Variants in CPAMD8 observed in about 807,000 individuals in gnomAD.
The protein encoded by CPAMD8 is C3 and PZP like alpha-2-macroglobulin domain containing 8.
In CPAMD8, 146 loss-of-function variants were observed where a neutral mutation model predicts 224.7. That is an observed-to-expected ratio of 0.65 (90% CI 0.57 to 0.75). The LOEUF is 0.75. Among genes scored for constraint, CPAMD8 ranks in the 30% least tolerant of loss-of-function variants. The pLI is 0.00. For missense variants in CPAMD8, 2,301 were observed against 2,537.5 expected, an observed-to-expected ratio of 0.91 and a Z score of 2.00; for synonymous variants, 966 against 1,044.6, an observed-to-expected ratio of 0.92 and a Z score of 1.45.
rs907039996 is a variant in CPAMD8 at position 16,893,279 on chromosome 19, G to A, written c.5487C>T (p.Ser1829=). ...GGCCCCATCTGTGGAACGGGCTGGC[G>A]CTCTGGGTGCTGCTTTCCAGGTTCC... The part of the protein sequence containing the change: ...SSGNLESSTQ[S]ASPFHRWGQT... The change falls in exon 42 of 42, where the codon AGC becomes AGT. Residue 1829 remains serine (S), a synonymous_variant. Transcript: ENST00000443236. 2.2e-5 allele frequency: 34 copies of A among 1,560,808 alleles called. No homozygotes were observed. The highest frequency in any genetic ancestry group is 5.4e-5 in the African/African-American group (4 of 73,590).
chr19:17,002,884 T>C (rs2056373623), intron 8 of CPAMD8, among the ~76,000 whole-genome samples: 1 of 150,570 alleles, frequency 6.6e-6, no homozygotes, highest in South Asian at 2.1e-4. Context: ...AATCTTTTCG[T>C]TCTTTCTTTT....
chr19:17,001,509 G>A (rs1047593554), intron 9 of CPAMD8, among the ~76,000 whole-genome samples: 1 of 151,828 alleles, frequency 6.6e-6, no homozygotes, highest in Non-Finnish European at 1.5e-5. Flanking sequence ...GAGACCCTTG[G>A]GGAGGGAAGA....
intron 3 of CPAMD8, among the ~76,000 whole-genome samples, chr19:17,015,659 A>G (rs1370921810): frequency 6.6e-6 from 1 of 152,052 alleles, no homozygotes; most frequent in African/African-American, 2.4e-5. Context: ...CACTACTCCA[A>G]TCCCAAAATC....
intron 18 of CPAMD8, among the ~76,000 whole-genome samples, chr19:16,963,871 C>T (rs2054734378): frequency 6.6e-6 from 1 of 152,152 alleles, no homozygotes; most frequent in Non-Finnish European, 1.5e-5. Context: ...AATTAGAACT[C>T]AGGATTAAGA....
chr19:17,009,366 C>T, intron 5 of CPAMD8, 46 bp from the exon 6 acceptor site: 1 of 1,613,874 alleles, frequency 6.2e-7, no homozygotes. Flanking sequence ...CCAGCAAACC[C>T]CAAACCCTTT....
At chr19:16,967,994 G>A (rs2054919852) in intron 18 of CPAMD8, among the ~76,000 whole-genome samples, 1 of 107,384 alleles carries the variant, frequency 9.3e-6, no homozygotes, top group Non-Finnish European at 1.9e-5. Flanking sequence ...AAAAGCATGG[G>A]CACTTGATTT....
At chr19:16,977,025 G>A (rs555310485) in intron 15 of CPAMD8, among the ~76,000 whole-genome samples, 5 of 152,212 alleles carry the variant, frequency 3.3e-5, no homozygotes, top group African/African-American at 9.6e-5. Flanking sequence ...CTGGGTGACA[G>A]AGCTTGACTC....
intron 7 of CPAMD8, among the ~76,000 whole-genome samples, chr19:17,006,826 T>C (rs1257715509): frequency 2.0e-5 from 3 of 152,214 alleles, no homozygotes; most frequent in African/African-American, 7.2e-5. Flanking sequence ...GAGCCCCATT[T>C]GCCATCTCTG....
chr19:17,009,055 C>A (rs985546539), intron 6 of CPAMD8: 2 of 539,242 alleles, frequency 3.7e-6, no homozygotes, highest in East Asian at 6.4e-5. Context: ...AAGATCAGCA[C>A]CACTGCAATC....
At chr19:17,025,470 TA>T (rs2057055274) in intron 1 of CPAMD8, among the ~76,000 whole-genome samples, 1 of 152,090 alleles carries the variant, frequency 6.6e-6, no homozygotes, top group Non-Finnish European at 1.5e-5. Flanking sequence ...AACCTCTGTA[TA>T]AGGCAGGGTC....
chr19:17,011,412 G>C, intron 5 of CPAMD8, 52 bp downstream of exon 5: 1 of 1,596,082 alleles, frequency 6.3e-7, no homozygotes, highest in Non-Finnish European at 8.6e-7. Context: ...CCCTGGCCAG[G>C]TAGTCCCAAG....
chr19:17,010,716 C>G (rs909448403), intron 5 of CPAMD8, among the ~76,000 whole-genome samples: 1 of 151,924 alleles, frequency 6.6e-6, no homozygotes, highest in African/African-American at 2.4e-5. Context: ...AGAGAGAGAG[C>G]GCTAGAAAGA....
intron 18 of CPAMD8, among the ~76,000 whole-genome samples, chr19:16,966,330 C>T (rs534678391): frequency 6.6e-6 from 1 of 152,246 alleles, no homozygotes; most frequent in Admixed American, 6.5e-5. Context: ...ACATCTTATA[C>T]AAAAATTAAT....
chr19:16,937,305 TTTGTTTGC>T (rs760622308), intron 23 of CPAMD8, among the ~76,000 whole-genome samples: 33 of 148,062 alleles, frequency 2.2e-4, no homozygotes, highest in Non-Finnish European at 4.0e-4. Context: ...TGGCTAAGTT[TTTGTTTGC>T]TTGTTTGCTT....
chr19:16,914,566 G>A, intron 28 of CPAMD8, 68 bp from the exon 29 acceptor site: 1 of 1,610,252 alleles, frequency 6.2e-7, no homozygotes, highest in Non-Finnish European at 8.5e-7. Context: ...ACTTCCCCCA[G>A]GCAGCTCCAG....
In CPAMD8 at chr19:16,896,086, G is replaced by C. The variant is rs571255066; in HGVS notation, c.5426+90C>G. ...GGGTCGGGGCGGGGCGGAGGAGTCG[G>C]GGCAGGTCGTCGGGGGAGGTTGGTA... On this transcript the variant is annotated intron_variant, in intron 41 of 41. Transcript: ENST00000443236. 16 of 1,454,772 alleles carry C rather than the reference G, an allele frequency of 1.1e-5. No individual in the cohort carries two copies. The South Asian group carries it at 1.7e-4, about 16-fold the overall frequency. 90.1% of individuals were successfully genotyped at this position (1,454,772 alleles called of 1,614,324 possible). A position where few individuals can be genotyped will look rare whatever the true frequency, so the allele number is the denominator to read the frequency against.
chr19:16,996,584 C>T (rs1330044254), intron 11 of CPAMD8, among the ~76,000 whole-genome samples: 1 of 151,966 alleles, frequency 6.6e-6, no homozygotes, highest in African/African-American at 2.4e-5. Flanking sequence ...TTTGGGAGGC[C>T]AAGGCGGGAA....
chr19:17,015,704 C>T (rs562946436), intron 3 of CPAMD8, among the ~76,000 whole-genome samples: 53 of 152,334 alleles, frequency 3.5e-4, no homozygotes, highest in African/African-American at 1.1e-3. Context: ...TATCTCAACA[C>T]TGGCCAGAGG....
intron 30 of CPAMD8, 64 bp from the exon 31 acceptor site, chr19:16,904,616 G>A: frequency 9.0e-7 from 1 of 1,110,980 alleles, no homozygotes; most frequent in Non-Finnish European, 1.4e-6. Context: ...ATCCCATGGA[G>A]CGCATCCAAG....
Sources: allele counts gnomAD v4.1 joint callset (sites outside exome capture counted in the v4.1 genomes callset), GRCh38; gene constraint gnomAD v4.1.1; transcripts MANE v1.5; gene names NCBI Gene and HGNC (gene_info 2026-07-23, HGNC 2026-07-21).